The following DERA variants were observed in gnomAD, a reference collection of about 807,000 sequenced individuals.
DERA encodes the protein deoxyribose-phosphate aldolase.
Under a neutral mutation model 41.1 loss-of-function variants are expected in DERA, and 15 were observed. The observed-to-expected ratio is 0.37, with a 90% CI of 0.24 to 0.56. The LOEUF (loss-of-function observed/expected upper bound fraction) is 0.56, where lower values mean the gene tolerates loss of function less well. DERA is among the 20% of genes least tolerant of loss of function. The pLI is 0.81. For missense variants in DERA, 396 were observed against 403.4 expected (o/e 0.98, Z 0.16); for synonymous variants, 139 against 137.4 (o/e 1.01, Z -0.08).
intron 1 of DERA, among the ~76,000 whole-genome samples, chr12:15,946,753 T>C (rs1487668101): frequency 1.3e-5 from 2 of 152,146 alleles, no homozygotes; most frequent in African/African-American, 4.8e-5. Context: ...TCAGTTATTT[T>C]TTGCCTTCTG....
chr12:15,933,426 A>G (rs1948343881), intron 1 of DERA, among the ~76,000 whole-genome samples: 1 of 152,130 alleles, frequency 6.6e-6, no homozygotes, highest in South Asian at 2.1e-4. Flanking sequence ...CTATTTTATT[A>G]AATTAATTTT....
At chr12:15,934,382 C>T (rs973598404) in intron 1 of DERA, among the ~76,000 whole-genome samples, 3 of 152,014 alleles carry the variant, frequency 2.0e-5, no homozygotes, top group South Asian at 2.1e-4. Flanking sequence ...GTCAGGAGAT[C>T]GAGACCATCC....
At position 16,020,373 on chromosome 12, in the gene DERA, C is replaced by T. The variant is rs1163288745; in HGVS notation, c.638-12169C>T. ...GAACAGCACGAAAGGGGAAATCTACCCCCATGATCCAATCTCTTCCTACCA... is the reference window on the plus strand; with the variant it reads ...GAACAGCACGAAAGGGGAAATCTACTCCCATGATCCAATCTCTTCCTACCA... On this transcript the variant is annotated intron_variant, in intron 6 of 8. Transcript: ENST00000428559. This position sits in a 1 kb window ranked among gnomAD's most constrained non-coding sequence, Gnocchi z 5.5. Among the ~76,000 whole-genome samples, 2 of 152,110 alleles carry T rather than the reference C, an allele frequency of 1.3e-5. No individual in the cohort carries two copies. Among genetic ancestry groups the T allele is most frequent in the Non-Finnish European group, 2.9e-5 (2 of 68,020 alleles).
Position 15,945,746 on chromosome 12 carries a change from G to A in DERA, c.32-11190G>A, listed in dbSNP as rs28765480. Among the ~76,000 whole-genome samples, 593 of 152,134 alleles carry A rather than the reference G, an allele frequency of 3.9e-3. 5 individuals carry two copies. The highest frequency in any genetic ancestry group is 0.013 in the African/African-American group (557 of 41,508). Reference sequence around the variant, plus strand: ...TTTCTCCTGCCTGATTGCCCTGGCCGGAACTTCCAACACTATGTTGAATAG... The same window carrying A: ...TTTCTCCTGCCTGATTGCCCTGGCCAGAACTTCCAACACTATGTTGAATAG... On this transcript the variant is annotated intron_variant, in intron 1 of 8. Coordinates refer to ENST00000428559, the MANE Select transcript of DERA (RefSeq NM_015954.4).
chr12:15,969,592 G>A (rs1948646420), intron 5 of DERA, among the ~76,000 whole-genome samples: 1 of 152,088 alleles, frequency 6.6e-6, no homozygotes, highest in Non-Finnish European at 1.5e-5. Context: ...CTTAAATCTG[G>A]CCTGTGAAGT....
chr12:15,939,399 G>A (rs1689240633), intron 1 of DERA, among the ~76,000 whole-genome samples: 4 of 152,146 alleles, frequency 2.6e-5, no homozygotes, highest in African/African-American at 4.8e-5. Context: ...TGGTTGTTAT[G>A]TAACAAAAGA....
Position 15,922,384 on chromosome 12 carries a change from A to T in DERA, c.31+10970A>T, listed in dbSNP as rs1948250695. ...CTCATATGGATTTTTATTAGTGAAAACATTTCCATAGATCTGTCTCCAGCA... is the reference window on the plus strand; with the variant it reads ...CTCATATGGATTTTTATTAGTGAAATCATTTCCATAGATCTGTCTCCAGCA... On this transcript the variant is annotated intron_variant, in intron 1 of 8. Transcript: ENST00000428559. The surrounding 1 kb of genome is among the most constrained non-coding windows in gnomAD (Gnocchi z 4.9). Among the ~76,000 whole-genome samples the T allele has an allele frequency of 6.6e-6, 1 of 152,122 alleles. No homozygotes were observed. Among genetic ancestry groups the T allele is most frequent in the Admixed American group, 6.6e-5 (1 of 15,252 alleles).
chr12:15,950,064 CTCTT>C (rs1328835137), intron 1 of DERA, among the ~76,000 whole-genome samples: 1 of 152,148 alleles, frequency 6.6e-6, no homozygotes, highest in Non-Finnish European at 1.5e-5. Flanking sequence ...TTGCCTTCTC[CTCTT>C]TCTGTTACCA....
chr12:15,945,375 T>G (rs1237469331), intron 1 of DERA, among the ~76,000 whole-genome samples: 2 of 152,238 alleles, frequency 1.3e-5, no homozygotes, highest in African/African-American at 4.8e-5. Flanking sequence ...TGGAATGTTC[T>G]TCCATTTGTT....
In DERA at chr12:15,938,534, TTTA is replaced by T. The variant is rs1948388052; in HGVS notation, c.32-18398_32-18396del. 2.0e-5 allele frequency among the ~76,000 whole-genome samples: 3 copies of T among 152,218 alleles called. No individual in the cohort carries two copies. The highest frequency in any genetic ancestry group is 2.1e-4 in the South Asian group (1 of 4,830). The stretch of plus-strand genomic sequence containing the variant: ...CTATGTGTCTAAGTTGCATTTTGTG[TTTA>T]TTAAGTTTAAAATTCTTGATAGTTT... On this transcript the variant is annotated intron_variant, in intron 1 of 8. Transcript: ENST00000428559. This position sits in a 1 kb window ranked among gnomAD's most constrained non-coding sequence, Gnocchi z 4.1.
rs1388010475 is a variant in DERA, at chr12:15,989,862, T to A, written c.637+7426T>A. ...TAAACAACTTTGGTCAACTAAATGT[T>A]AGTAGTCTAAACTGTAAGGATTATT... On this transcript the variant is annotated intron_variant, in intron 6 of 8. Transcript: ENST00000428559. This position sits in a 1 kb window ranked among gnomAD's most constrained non-coding sequence, Gnocchi z 5.2. 1.3e-5 allele frequency among the ~76,000 whole-genome samples: 2 copies of A among 152,236 alleles called. No individual in the cohort carries two copies. Among genetic ancestry groups the A allele is most frequent in the Non-Finnish European group, 2.9e-5 (2 of 68,028 alleles).
In DERA at chr12:15,970,048, G is replaced by T. The variant is rs143058675; in HGVS notation, c.508+7101G>T. ...CTCTTGTAGGTTATTATAATATCTG[G>T]TGTGTTAGCTCATCTCTGCCTTAGT... On this transcript the variant is annotated intron_variant, in intron 5 of 8. Transcript: ENST00000428559. The surrounding 1 kb of genome is among the most constrained non-coding windows in gnomAD (Gnocchi z 4.3). 0.018 allele frequency among the ~76,000 whole-genome samples: 2,681 copies of T among 152,230 alleles called. 87 individuals carry two copies. The highest frequency in any genetic ancestry group is 0.062 in the African/African-American group (2,556 of 41,508).
rs549237453 is a variant in DERA at position 15,959,076 on chromosome 12, G to A, written c.277+741G>A. Among the ~76,000 whole-genome samples the A allele has an allele frequency of 2.6e-5, 4 of 151,944 alleles. No homozygotes were observed. Among genetic ancestry groups the A allele is most frequent in the Admixed American group, 6.6e-5 (1 of 15,254 alleles). On this transcript the variant is annotated intron_variant, in intron 3 of 8. Transcript: ENST00000428559. The surrounding 1 kb of genome is among the most constrained non-coding windows in gnomAD (Gnocchi z 4.5). ...ATCTGCTGTGAGTGCAACTGGAGACGTTGAATTGGCCCAATGCAGGTCTTT... is the reference window on the plus strand; with the variant it reads ...ATCTGCTGTGAGTGCAACTGGAGACATTGAATTGGCCCAATGCAGGTCTTT...
intron 6 of DERA, among the ~76,000 whole-genome samples, chr12:15,987,395 C>A (rs1948772275): frequency 6.6e-6 from 1 of 151,846 alleles, no homozygotes; most frequent in Admixed American, 6.6e-5. Context: ...CACTACCACG[C>A]CTGGCTAATT....
intron 1 of DERA, among the ~76,000 whole-genome samples, chr12:15,932,147 G>T (rs985528376): frequency 1.3e-5 from 2 of 152,164 alleles, no homozygotes; most frequent in Non-Finnish European, 2.9e-5. Context: ...ACCATCTTGT[G>T]ATATGAAAAC....
At position 16,009,938 on chromosome 12, in the gene DERA, G is replaced by T. The variant is rs1409034690; in HGVS notation, c.638-22604G>T. 1.3e-5 allele frequency among the ~76,000 whole-genome samples: 2 copies of T among 152,160 alleles called. No individual in the cohort carries two copies. The highest frequency in any genetic ancestry group is 2.9e-5 in the Non-Finnish European group (2 of 68,032). On this transcript the variant is annotated intron_variant, in intron 6 of 8. Transcript: ENST00000428559. The surrounding 1 kb of genome is among the most constrained non-coding windows in gnomAD (Gnocchi z 5.3). ...TATTTATATTGTTTTCTGCTGAGCA[G>T]AAATCTAAAAACAAATGGCCTTTAA...
chr12:15,976,186 C>T lies in DERA; in HGVS notation c.509-6122C>T, dbSNP rs183915491. 2.0e-5 allele frequency among the ~76,000 whole-genome samples: 3 copies of T among 152,254 alleles called. No individual in the cohort carries two copies. Among genetic ancestry groups the T allele is most frequent in the East Asian group, 1.9e-4 (1 of 5,182 alleles). On this transcript the variant is annotated intron_variant, in intron 5 of 8. Coordinates refer to ENST00000428559, the MANE Select transcript of DERA (RefSeq NM_015954.4). The surrounding 1 kb of genome is among the most constrained non-coding windows in gnomAD (Gnocchi z 4.1). ...CTTCCATATTTATACCCCTTCTTCCCGTCAGTGAGATATCTTGCTCCCATT... is the reference window on the plus strand; with the variant it reads ...CTTCCATATTTATACCCCTTCTTCCTGTCAGTGAGATATCTTGCTCCCATT...
intron 1 of DERA, among the ~76,000 whole-genome samples, chr12:15,945,338 G>C (rs998524005): frequency 4.6e-5 from 7 of 152,054 alleles, no homozygotes; most frequent in African/African-American, 1.7e-4. Flanking sequence ...CCATTTTCAC[G>C]ATATTGATTC....
In DERA at chr12:15,938,142, C is replaced by G. The variant is rs533955845; in HGVS notation, c.32-18794C>G. Among the ~76,000 whole-genome samples the G allele has an allele frequency of 1.8e-4, 28 of 152,204 alleles. No individual in the cohort carries two copies. Among genetic ancestry groups the G allele is most frequent in the African/African-American group, 6.0e-4 (25 of 41,536 alleles). On this transcript the variant is annotated intron_variant, in intron 1 of 8. Transcript: ENST00000428559. The surrounding 1 kb of genome is among the most constrained non-coding windows in gnomAD (Gnocchi z 4.1). ...GTTGTAATATTGATCTGTTAAGGTT[C>G]AGTGGAGCCCAGAGGAAGACTTAGT... is the stretch of plus-strand genomic sequence containing the variant.
Sources: gnomAD v4.1 joint callset for allele counts (sites outside exome capture counted in the v4.1 genomes callset) on GRCh38, gnomAD v4.1.1 for gene constraint, Gnocchi (gnomAD v3.1) non-coding constraint, MANE v1.5 for transcripts, NCBI Gene and HGNC (gene_info 2026-07-23, HGNC 2026-07-21) for gene names.